The following DAP variants were observed in gnomAD, a reference collection of about 807,000 sequenced individuals.
DAP encodes the protein death-associated protein 1.
A neutral mutation model predicts 13.8 loss-of-function variants in DAP; 8 were observed. That is an observed-to-expected ratio of 0.58 (90% CI 0.34 to 1.05). DAP has a LOEUF of 1.05. Ranked by LOEUF, DAP falls within the 50% of genes least tolerant of loss-of-function variation. DAP has a pLI of 0.03. For missense variants in DAP, 106 were observed against 133.2 expected (o/e 0.80, Z 1.01); for synonymous variants, 47 against 47.5 (o/e 0.99, Z 0.04).
chr5:10,722,098 GAT>G (rs1321218998), intron 2 of DAP, among the ~76,000 whole-genome samples: 2 of 152,158 alleles, frequency 1.3e-5, no homozygotes, highest in Non-Finnish European at 2.9e-5. Flanking sequence ...GTTGACAAGG[GAT>G]GGACTTGTGG....
chr5:10,696,022 C>T (rs1738430701), intron 2 of DAP, among the ~76,000 whole-genome samples: 1 of 152,116 alleles, frequency 6.6e-6, no homozygotes, highest in South Asian at 2.1e-4. Flanking sequence ...CCTTCATTTT[C>T]CCTCTAGACA....
intron 2 of DAP, among the ~76,000 whole-genome samples, chr5:10,706,950 T>C (rs1738712322): frequency 6.6e-6 from 1 of 152,156 alleles, no homozygotes; most frequent in Non-Finnish European, 1.5e-5. Flanking sequence ...GGTAACCTGG[T>C]CACGCGCTTC....
chr5:10,728,364 C>G (rs1399439962), intron 2 of DAP, among the ~76,000 whole-genome samples: 1 of 152,098 alleles, frequency 6.6e-6, no homozygotes, highest in African/African-American at 2.4e-5. Context: ...TTTTTAGAAA[C>G]CTTAAGTGTG....
In DAP at chr5:10,680,909, G is replaced by A; in HGVS notation, c.*147C>T. The A allele has an allele frequency of 6.5e-7, 1 of 1,537,636 alleles. No homozygotes were observed. The highest frequency in any genetic ancestry group is 8.7e-7 in the Non-Finnish European group (1 of 1,146,986). On this transcript the variant is annotated 3_prime_UTR_variant, in exon 4 of 4. Transcript: ENST00000230895. ...GGAGCTGTTTCTAGTTTTAAATATG[G>A]AAATGTAAGGCAAAGGACAGAGCAC...
chr5:10,710,495 G>A (rs1738820131), intron 2 of DAP, among the ~76,000 whole-genome samples: 1 of 152,212 alleles, frequency 6.6e-6, no homozygotes, highest in Admixed American at 6.5e-5. Context: ...CCTTTCATGG[G>A]GCTTAGAGGC....
rs952632480 is a variant in DAP at position 10,739,881 on chromosome 5, C to T, written c.152+8294G>A. 2.8e-4 allele frequency among the ~76,000 whole-genome samples: 43 copies of T among 152,116 alleles called. 1 individual carries two copies. The highest frequency in any genetic ancestry group is 9.6e-5 in the African/African-American group (4 of 41,490). On this transcript the variant is annotated intron_variant, in intron 2 of 3. Transcript: ENST00000230895. ...GGACTGATGTAAATATTATTTACTT[C>T]AGCTTCTAGTGTTATTTCTGTCTCT...
At chr5:10,742,546 A>C (rs979795365) in intron 2 of DAP, among the ~76,000 whole-genome samples, 20 of 152,222 alleles carry the variant, frequency 1.3e-4, no homozygotes, top group Admixed American at 3.3e-4. Flanking sequence ...AAACAAAAAA[A>C]TCTAATACTA....
chr5:10,754,334 A>C (rs1740124912), intron 1 of DAP, among the ~76,000 whole-genome samples: 1 of 152,180 alleles, frequency 6.6e-6, no homozygotes, highest in African/African-American at 2.4e-5. Context: ...TGCATAGATA[A>C]GGTAGAAGTA....
intron 2 of DAP, among the ~76,000 whole-genome samples, chr5:10,743,073 G>A (rs1020383756): frequency 8.7e-5 from 13 of 149,726 alleles, no homozygotes; most frequent in African/African-American, 2.5e-4. Context: ...TGAGGAACTC[G>A]GCTCTTTGTT....
chr5:10,688,090 A>AT (rs1561006600), intron 2 of DAP, among the ~76,000 whole-genome samples: 1 of 151,672 alleles, frequency 6.6e-6, no homozygotes, highest in East Asian at 1.9e-4. Flanking sequence ...TAATTTTTGT[A>AT]TTTTTAGTAG....
chr5:10,741,398 C>T (rs1368569745), intron 2 of DAP, among the ~76,000 whole-genome samples: 1 of 152,086 alleles, frequency 6.6e-6, no homozygotes, highest in East Asian at 1.9e-4. Context: ...AGTATTCACA[C>T]CATAAAATTA....
chr5:10,716,239 A>G (rs568637459), intron 2 of DAP, among the ~76,000 whole-genome samples: 1 of 152,386 alleles, frequency 6.6e-6, no homozygotes, highest in East Asian at 1.9e-4. Context: ...TGGTAAGAAG[A>G]TAAAATGCGA....
At chr5:10,712,648 C>G (rs531891830) in intron 2 of DAP, among the ~76,000 whole-genome samples, 1 of 152,026 alleles carries the variant, frequency 6.6e-6, no homozygotes, top group Admixed American at 6.5e-5. Context: ...CTTAAATGAC[C>G]GGTTACAAAG....
chr5:10,705,112 G>C (rs1738666485), intron 2 of DAP, among the ~76,000 whole-genome samples: 1 of 152,068 alleles, frequency 6.6e-6, no homozygotes, highest in Non-Finnish European at 1.5e-5. Flanking sequence ...TAGTGTAATG[G>C]GGCTCTGAGT....
chr5:10,759,871 C>T (rs1178150787), intron 1 of DAP, among the ~76,000 whole-genome samples: 2 of 150,904 alleles, frequency 1.3e-5, no homozygotes, highest in Non-Finnish European at 2.9e-5. Flanking sequence ...TCTCCTGCCT[C>T]GGCCTCCTGA....
At chr5:10,684,319 G>A (rs1738104299) in intron 2 of DAP, among the ~76,000 whole-genome samples, 1 of 152,112 alleles carries the variant, frequency 6.6e-6, no homozygotes, top group Non-Finnish European at 1.5e-5. Flanking sequence ...GGAGATTCTA[G>A]AGCCAACACA....
intron 2 of DAP, among the ~76,000 whole-genome samples, chr5:10,732,189 ACATT>A (rs1160597638): frequency 6.6e-6 from 1 of 152,236 alleles, no homozygotes; most frequent in Non-Finnish European, 1.5e-5. Flanking sequence ...TATTGAGGTA[ACATT>A]CATAGAACAT....
rs1007114910 is a variant in DAP, at chr5:10,707,623, C to T, written c.153-24052G>A. ...TGTGAGCAGTGTGGTGCACAGGCGG[C>T]GTGATGTACAGGTGGTGTGATGCAC... On this transcript the variant is annotated intron_variant, in intron 2 of 3. Coordinates refer to ENST00000230895, the MANE Select transcript of DAP (RefSeq NM_004394.3). This position sits in a 1 kb window ranked among gnomAD's most constrained non-coding sequence, Gnocchi z 4.0. 2.9e-5 allele frequency among the ~76,000 whole-genome samples: 4 copies of T among 138,428 alleles called. No homozygotes were observed. Among genetic ancestry groups the T allele is most frequent in the South Asian group, 2.5e-4 (1 of 4,064 alleles). 90.8% of individuals were successfully genotyped at this position (138,428 alleles called of 152,430 possible).
intron 2 of DAP, among the ~76,000 whole-genome samples, chr5:10,685,783 T>C (rs972655228): frequency 1.3e-5 from 2 of 152,166 alleles, no homozygotes; most frequent in African/African-American, 4.8e-5. Context: ...AAACTTGATA[T>C]AAAATGTCAT....
Sources: gnomAD v4.1 joint callset for allele counts (sites outside exome capture counted in the v4.1 genomes callset) on GRCh38, gnomAD v4.1.1 for gene constraint, Gnocchi (gnomAD v3.1) non-coding constraint, MANE v1.5 for transcripts, NCBI Gene and HGNC (gene_info 2026-07-23, HGNC 2026-07-21) for gene names.